The following SYT2 variants were observed in gnomAD, a reference collection of about 807,000 sequenced individuals.
SYT2 encodes synaptotagmin-2.
SYT2 carries 15 observed loss-of-function variants against 39.9 expected under a neutral mutation model. The ratio of observed to expected loss-of-function variants is 0.38; its 90% confidence interval spans 0.25 to 0.58. The LOEUF is 0.58. SYT2 is among the 20% of genes least tolerant of loss of function. The pLI, the probability that SYT2 is intolerant of heterozygous loss-of-function variation, is 0.70. For synonymous variants in SYT2, 181 were observed against 204.5 expected (o/e 0.89, Z 0.98); for missense variants, 389 against 530.3 (o/e 0.73, Z 2.62).
At chr1:202,604,367 A>G (rs1690626538) in intron 3 of SYT2, 88 bp downstream of exon 3, 3 of 1,390,096 alleles carry the variant, frequency 2.2e-6, no homozygotes, top group Non-Finnish European at 3.0e-6. Context: ...TTGGCTGTGG[A>G]AGCCCAGGAG....
At chr1:202,620,610 G>T (rs1349153197) in intron 1 of SYT2, among the ~76,000 whole-genome samples, 1 of 151,984 alleles carries the variant, frequency 6.6e-6, no homozygotes, top group South Asian at 2.1e-4. Flanking sequence ...CTCTCCCCCT[G>T]TTATAAGCCC....
rs750289576 is a variant in SYT2 at position 202,628,982 on chromosome 1, C to T, written c.-17-23193G>A. 8.0e-4 allele frequency among the ~76,000 whole-genome samples: 121 copies of T among 152,134 alleles called. No homozygotes were observed. Among genetic ancestry groups the T allele is most frequent in the Non-Finnish European group, 1.7e-3 (114 of 68,032 alleles). The stretch of plus-strand genomic sequence containing the variant: ...TAATGGAAGCTGCTGCGCAGGGCTG[C>T]GAGGCTTAGGAGCACTGTATGTAAA... On this transcript the variant is annotated intron_variant, in intron 1 of 8. Coordinates refer to ENST00000367268, the MANE Select transcript of SYT2 (RefSeq NM_177402.5). The surrounding 1 kb of genome is among the most constrained non-coding windows in gnomAD (Gnocchi z 4.2).
intron 1 of SYT2, among the ~76,000 whole-genome samples, chr1:202,662,070 C>G (rs1692392415): frequency 2.0e-5 from 3 of 152,194 alleles, no homozygotes. Flanking sequence ...GTGGTGGGAA[C>G]AGAGAGGAGG....
At chr1:202,645,864 T>C (rs1202857649) in intron 1 of SYT2, among the ~76,000 whole-genome samples, 2 of 152,156 alleles carry the variant, frequency 1.3e-5, no homozygotes, top group Non-Finnish European at 2.9e-5. Context: ...TGTGCTTCAC[T>C]CAGAGCCCCC....
rs2149061643 is a variant in SYT2, at chr1:202,594,799, C to G, written c.*1958G>C. ...ATCTCCAAGAGACAGGCAGGCTTTCCAGTCTGTTTCTGGTGGGGGTATTCC... is the reference window on the plus strand; with the variant it reads ...ATCTCCAAGAGACAGGCAGGCTTTCGAGTCTGTTTCTGGTGGGGGTATTCC... On this transcript the variant is annotated 3_prime_UTR_variant, in exon 9 of 9. Coordinates refer to ENST00000367268, the MANE Select transcript of SYT2 (RefSeq NM_177402.5). The G allele has an allele frequency of 2.6e-5, 4 of 152,086 alleles. No individual in the cohort carries two copies. The South Asian group carries it at 8.3e-4, about 32-fold the overall frequency. The allele number at this position is 152,086 out of a possible 1,614,324, so 9.4% of individuals were successfully genotyped here.
chr1:202,623,258 A>G lies in SYT2; in HGVS notation c.-17-17469T>C, dbSNP rs1691253202. On this transcript the variant is annotated intron_variant, in intron 1 of 8. Transcript: ENST00000367268. The surrounding 1 kb of genome is among the most constrained non-coding windows in gnomAD (Gnocchi z 4.2). ...TCCAGGCTCCCTGGAGAGGGAGTTA[A>G]TACTGCAGCACGGCGCACTCTAGCC... is the stretch of plus-strand genomic sequence containing the variant. Among the ~76,000 whole-genome samples, 1 of 152,232 alleles carries G rather than the reference A, an allele frequency of 6.6e-6. No homozygotes were observed. The highest frequency in any genetic ancestry group is 1.5e-5 in the Non-Finnish European group (1 of 68,026).
chr1:202,641,172 GTCTCCTGGGGAC>G (rs1476587468), intron 1 of SYT2, among the ~76,000 whole-genome samples: 1 of 152,170 alleles, frequency 6.6e-6, no homozygotes, highest in Non-Finnish European at 1.5e-5. Context: ...TAGAGCCAAG[GTCTCCTGGGGAC>G]TCCCCCTCCA....
At chr1:202,610,296 A>G (rs915188234) in intron 1 of SYT2, among the ~76,000 whole-genome samples, 21 of 152,078 alleles carry the variant, frequency 1.4e-4, no homozygotes, top group African/African-American at 4.6e-4. Context: ...GTAGCCTTGT[A>G]GTATAGTTTG....
chr1:202,640,423 T>G (rs1245270572), intron 1 of SYT2, among the ~76,000 whole-genome samples: 1 of 152,140 alleles, frequency 6.6e-6, no homozygotes, highest in African/African-American at 2.4e-5. Context: ...TAAACTTCAG[T>G]CCCGGCCATG....
intron 8 of SYT2, 58 bp from the exon 9 acceptor site, chr1:202,597,021 AT>A (rs1434557260): frequency 1.7e-5 from 26 of 1,486,138 alleles, no homozygotes; most frequent in Non-Finnish European, 2.3e-5. Context: ...CCATGACCAA[AT>A]TTATCCTCCA....
At chr1:202,626,064 T>C (rs1256245550) in intron 1 of SYT2, among the ~76,000 whole-genome samples, 1 of 152,146 alleles carries the variant, frequency 6.6e-6, no homozygotes, top group African/African-American at 2.4e-5. Context: ...CACTGCCATA[T>C]GTAGAAATGT....
intron 1 of SYT2, among the ~76,000 whole-genome samples, chr1:202,637,664 C>T (rs1191344581): frequency 2.0e-5 from 3 of 152,270 alleles, no homozygotes; most frequent in Non-Finnish European, 2.9e-5. Context: ...GCCGGCTGCT[C>T]ATAGGTGCTG....
chr1:202,653,298 C>T (rs12404969), intron 1 of SYT2, among the ~76,000 whole-genome samples: 55,791 of 151,970 alleles, frequency 0.37, 12,100 homozygotes, highest in East Asian at 0.72. Context: ...TAGATTCACA[C>T]GCTTACCTAG....
chr1:202,665,852 A>C (rs1158618234), intron 1 of SYT2, among the ~76,000 whole-genome samples: 2 of 152,168 alleles, frequency 1.3e-5, no homozygotes, highest in African/African-American at 2.4e-5. Context: ...TCACAAATTT[A>C]TTTCTTTAAA....
At chr1:202,707,615 G>A (rs1558468839) in intron 1 of SYT2, among the ~76,000 whole-genome samples, 1 of 152,190 alleles carries the variant, frequency 6.6e-6, no homozygotes, top group Non-Finnish European at 1.5e-5. Flanking sequence ...CATTCTTCCA[G>A]GCAAATGAAG....
chr1:202,666,629 G>C (rs1692486251), intron 1 of SYT2, among the ~76,000 whole-genome samples: 1 of 152,202 alleles, frequency 6.6e-6, no homozygotes, highest in Non-Finnish European at 1.5e-5. Context: ...GGACCAATGT[G>C]CTTACCATGG....
At chr1:202,625,232 TCTGTGTG>T (rs1181200731) in intron 1 of SYT2, among the ~76,000 whole-genome samples, 1 of 115,016 alleles carries the variant, frequency 8.7e-6, no homozygotes, top group Non-Finnish European at 1.8e-5. Context: ...GTGTGCTGTG[TCTGTGTG>T]GTGTGTGTGT....
chr1:202,638,492 T>C (rs1203706763), intron 1 of SYT2, among the ~76,000 whole-genome samples: 9 of 152,218 alleles, frequency 5.9e-5, no homozygotes, highest in African/African-American at 1.2e-4. Context: ...CTCGGAGGCC[T>C]TTCTGCAAAA....
rs142804180 is a variant in SYT2 at position 202,596,779 on chromosome 1, G to A, written c.1238C>T (p.Ala413Val). 152 of 1,613,920 alleles carry A rather than the reference G, an allele frequency of 9.4e-5. No homozygotes were observed. Among genetic ancestry groups the A allele is most frequent in the Non-Finnish European group, 1.1e-4 (131 of 1,179,912 alleles). Residue 413 changes from alanine (A) to valine (V), a missense_variant, in exon 9 of 9, where the codon GCA becomes GTA. Around this residue, in one of 4 missense-constraint regions of SYT2, gnomAD observed 84 missense variants for 123.1 expected, o/e 0.68. Coordinates refer to ENST00000367268, the MANE Select transcript of SYT2 (RefSeq NM_177402.5). Reference sequence around the variant, plus strand: ...TGTCTACTTGTTCTTGCCCAGGAGTGCATCCACCTCCTCCTCAGGCTTGAG... The same window carrying A: ...TGTCTACTTGTTCTTGCCCAGGAGTACATCCACCTCCTCCTCAGGCTTGAG... Reference protein sequence around the residue: ...HSLKPEEEVDALLGKNK With the variant: ...HSLKPEEEVDVLLGKNK
Sources: allele counts gnomAD v4.1 joint callset (sites outside exome capture counted in the v4.1 genomes callset), GRCh38; gene constraint gnomAD v4.1.1; regional missense constraint gnomAD v4.1.1; non-coding constraint Gnocchi (gnomAD v3.1); transcripts MANE v1.5; gene names NCBI Gene and HGNC (gene_info 2026-07-23, HGNC 2026-07-21).